CARMIL3: variants seen among roughly 807,000 people sequenced by gnomAD.
The protein encoded by CARMIL3 is capping protein, Arp2/3 and myosin-I linker protein 3.
A neutral mutation model predicts 180.8 loss-of-function variants in CARMIL3; 88 were observed. The ratio of observed to expected loss-of-function variants is 0.49; its 90% confidence interval spans 0.41 to 0.58. The LOEUF (loss-of-function observed/expected upper bound fraction) is 0.58. CARMIL3 is among the 20% of genes least tolerant of loss of function. CARMIL3 has a pLI of 0.00. For synonymous variants in CARMIL3, 696 were observed against 714.5 expected (o/e 0.97, Z 0.41); for missense variants, 1,548 against 1,787.0 (o/e 0.87, Z 2.41).
At position 24,055,126 on chromosome 14, in the gene CARMIL3, A is replaced by T; in HGVS notation, c.521A>T (p.Glu174Val). The T allele has an allele frequency of 6.2e-7, 1 of 1,613,934 alleles. No homozygotes were observed. The highest frequency in any genetic ancestry group is 8.5e-7 in the Non-Finnish European group (1 of 1,180,002). The change falls in exon 7 of 40, where the codon GAG becomes GTG. Residue 174 changes from glutamate to valine, a missense_variant. This residue lies in a region of CARMIL3 where 578 missense variants were observed against 666.5 expected (regional missense o/e 0.87). Coordinates refer to ENST00000342740, the MANE Select transcript of CARMIL3 (RefSeq NM_138360.4). Reference protein sequence around the residue: ...CDYNGLHCREEVQWDVDTIYH... With the variant: ...CDYNGLHCREVVQWDVDTIYH... ...TACAATGGGCTACACTGCCGTGAGG[A>T]GGTTCAATGGGTATGTTGGGCAGGG...
chr14:24,053,064 A>G (rs538310300), intron 1 of CARMIL3, among the ~76,000 whole-genome samples: 12 of 139,134 alleles, frequency 8.6e-5, no homozygotes, highest in South Asian at 4.4e-4. Flanking sequence ...ACGCGCGTGC[A>G]CACACACACA....
rs374199118 is a variant in CARMIL3, at chr14:24,066,556, C to A, written c.3593-11C>A. 15 of 1,613,986 alleles carry A rather than the reference C, an allele frequency of 9.3e-6. No individual in the cohort carries two copies. The highest frequency in any genetic ancestry group is 5.0e-5 in the Admixed American group (3 of 60,008). On this transcript the variant is annotated splice_polypyrimidine_tract_variant and intron_variant, in intron 35 of 39. Coordinates refer to ENST00000342740, the MANE Select transcript of CARMIL3 (RefSeq NM_138360.4). ...TTCTCCTCTCTTTCTCATCCCCTCT[C>A]TCTACTCCAGGGCCTGGATCCTGGA...
intron 12 of CARMIL3, 90 bp downstream of exon 12, chr14:24,056,798 C>G: frequency 6.6e-7 from 1 of 1,509,034 alleles, no homozygotes; most frequent in African/African-American, 1.4e-5. Flanking sequence ...CATTCACACA[C>G]CACCTCAGGG....
In CARMIL3 at chr14:24,052,021, C is replaced by G. The variant is rs1226964894; in HGVS notation, c.-133C>G. The G allele has an allele frequency of 2.5e-5, 21 of 851,888 alleles. No individual in the cohort carries two copies. Among genetic ancestry groups the G allele is most frequent in the Non-Finnish European group, 3.3e-6 (2 of 612,586 alleles). 52.8% of individuals were successfully genotyped at this position (851,888 alleles called of 1,614,324 possible). On this transcript the variant is annotated 5_prime_UTR_variant, in exon 1 of 40. Transcript: ENST00000342740. ...GGGAGGAGCGCTCAAGCAGCCGCCC[C>G]TGACCGGAGCGGGCTCGGCCGCTGC...
Position 24,064,956 on chromosome 14 carries a change from A to G in CARMIL3, c.3081-2A>G. On this transcript the variant is annotated splice_acceptor_variant, in intron 32 of 39. Transcript: ENST00000342740. LOFTEE classifies it high-confidence loss of function. ...TTGCTAACTTACCCCGATTCTCCCC[A>G]GCTACCCCCGGACTCTGAGGACCGT... 6.2e-7 allele frequency: 1 copy of G among 1,609,628 alleles called. No homozygotes were observed. The highest frequency in any genetic ancestry group is 8.5e-7 in the Non-Finnish European group (1 of 1,178,782).
chr14:24,053,631 C>A, intron 1 of CARMIL3, 78 bp from the exon 2 acceptor site: 1 of 1,056,694 alleles, frequency 9.5e-7, no homozygotes, highest in South Asian at 1.5e-5. Context: ...CCTGACCCTG[C>A]CTCTATCTGG....
At chr14:24,055,181 G>A (rs1326091564) in intron 7 of CARMIL3, 45 bp downstream of exon 7, 3 of 1,613,960 alleles carry the variant, frequency 1.9e-6, no homozygotes, top group Admixed American at 1.7e-5. Context: ...GGACCTGGAG[G>A]GAAGGGGCTA....
Position 24,059,937 on chromosome 14 carries a change from G to T in CARMIL3, c.1869-33G>T. 1 of 1,612,008 alleles carries T rather than the reference G, an allele frequency of 6.2e-7. No individual in the cohort carries two copies. Among genetic ancestry groups the T allele is most frequent in the Admixed American group, 1.7e-5 (1 of 60,024 alleles). ...AGGCAGGGGCCTCCCATCCTCACCTGTTCCCACCCAGCTGTGCCCCTGTGT... is the reference window on the plus strand; with the variant it reads ...AGGCAGGGGCCTCCCATCCTCACCTTTTCCCACCCAGCTGTGCCCCTGTGT... On this transcript the variant is annotated intron_variant, in intron 22 of 39. Coordinates refer to ENST00000342740, the MANE Select transcript of CARMIL3 (RefSeq NM_138360.4). This position sits in a 1 kb window ranked among gnomAD's most constrained non-coding sequence, Gnocchi z 6.3.
Position 24,055,300 on chromosome 14 carries a change from T to G in CARMIL3, c.595T>G (p.Leu199Val). 6.2e-7 allele frequency: 1 copy of G among 1,614,092 alleles called. No homozygotes were observed. The highest frequency in any genetic ancestry group is 8.5e-7 in the Non-Finnish European group (1 of 1,180,008). Reference sequence around the variant, plus strand: ...GTTCAATCTTTTGGATTTCAGCCACTTGGAGAGCCGGTAAGCAGATGGGGC... The same window carrying G: ...GTTCAATCTTTTGGATTTCAGCCACGTGGAGAGCCGGTAAGCAGATGGGGC... ...REFNLLDFSHLESRDLALMVA... is the reference protein window; with the variant it reads ...REFNLLDFSHVESRDLALMVA... The change falls in exon 8 of 40, where the codon TTG becomes GTG. Residue 199 changes from leucine to valine, a missense_variant. Physicochemically the swap from Leu to Val is conservative, Grantham distance 32 (BLOSUM62 1). Transcript: ENST00000342740.
In CARMIL3 at chr14:24,054,103, C is replaced by T. The variant is rs2035645971; in HGVS notation, c.151C>T (p.Arg51Cys). The change falls in exon 3 of 40, where the codon CGC becomes TGC. Residue 51 changes from arginine (R) to cysteine (C), a missense_variant. Coordinates refer to ENST00000342740, the MANE Select transcript of CARMIL3 (RefSeq NM_138360.4). This position sits in a 1 kb window ranked among gnomAD's most constrained non-coding sequence, Gnocchi z 5.1. ...CTCTCTGTAGGCCCTGACCTCCTGG[C>T]GCCTCCACCTCTTCCTCCTTAAAGT... ...EDRVLALTSW[R>C]LHLFLLKVPA... is the part of the protein sequence containing the mutation. The T allele has an allele frequency of 3.1e-6, 5 of 1,613,798 alleles. No homozygotes were observed. Among genetic ancestry groups the T allele is most frequent in the African/African-American group, 1.3e-5 (1 of 74,908 alleles).
rs2035694851 is a variant in CARMIL3 at position 24,058,195 on chromosome 14, G to A, written c.1363G>A (p.Asp455Asn). The A allele has an allele frequency of 1.2e-6, 2 of 1,613,794 alleles. No homozygotes were observed. The highest frequency in any genetic ancestry group is 1.7e-5 in the Admixed American group (1 of 60,008). Residue 455 changes from aspartate (D) to asparagine (N), a missense_variant, in exon 17 of 40, where the codon GAC becomes AAC. This residue lies in a region of CARMIL3 where 578 missense variants were observed against 666.5 expected (regional missense o/e 0.87). Coordinates refer to ENST00000342740, the MANE Select transcript of CARMIL3 (RefSeq NM_138360.4). The surrounding 1 kb of genome is among the most constrained non-coding windows in gnomAD (Gnocchi z 6.4). The stretch of plus-strand genomic sequence containing the variant: ...CCTCTCCCTCAACAGTCACCTCAGT[G>A]ACCTGCACCTGGATCTCAGCAGCTG... The part of the protein sequence containing the change: ...QGLSLNSHLS[D>N]LHLDLSSCEL...
chr14:24,067,670 A>G (rs183333151), intron 36 of CARMIL3, among the ~76,000 whole-genome samples: 1 of 152,364 alleles, frequency 6.6e-6, no homozygotes, highest in Admixed American at 6.5e-5. Context: ...TTTCCATCCC[A>G]TACACAGGCT....
In CARMIL3 at chr14:24,062,823, G is replaced by C. The variant is rs559422795; in HGVS notation, c.2683G>C (p.Asp895His). The change falls in exon 29 of 40, where the codon GAT (aspartate) becomes CAT (histidine). Residue 895 changes from aspartate to histidine, a missense_variant. By Grantham distance (81) the Asp-to-His change is moderately conservative. Around this residue, in one of 4 missense-constraint regions of CARMIL3, gnomAD observed 668 missense variants for 687.8 expected, o/e 0.97. Transcript: ENST00000342740. ...GAACCATGACCATGAGGAGACCACA[G>C]ATGATGAACTTGGGACCAACATTGT... ...GRNHDHEETT[D>H]DELGTNIDTM... The C allele has an allele frequency of 6.2e-7, 1 of 1,611,448 alleles. No homozygotes were observed. Among genetic ancestry groups the C allele is most frequent in the Non-Finnish European group, 8.5e-7 (1 of 1,178,886 alleles).
At chr14:24,060,579 A>T (rs2035722467) in intron 24 of CARMIL3, 49 bp from the exon 25 acceptor site, 1 of 1,604,164 alleles carries the variant, frequency 6.2e-7, no homozygotes. Flanking sequence ...CCTACCTGCG[A>T]AGATGTGGAA....
chr14:24,062,333 G>A lies in CARMIL3; in HGVS notation c.2481-147G>A, dbSNP rs1478530933. ...AGAAATGAGTGTCAAGGGCTAGGCT[G>A]CCTCCTTCAGCAGCCACATGCGCTC... On this transcript the variant is annotated intron_variant, in intron 27 of 39. Coordinates refer to ENST00000342740, the MANE Select transcript of CARMIL3 (RefSeq NM_138360.4). The A allele has an allele frequency of 5.3e-6, 4 of 757,122 alleles. No homozygotes were observed. The African/African-American group carries it at 6.9e-5, about 13-fold the overall frequency. The allele number at this position is 757,122 out of a possible 1,614,324, so 46.9% of individuals were successfully genotyped here.
chr14:24,052,315 C>A, intron 1 of CARMIL3, 122 bp downstream of exon 1: 2 of 964,924 alleles, frequency 2.1e-6, no homozygotes, highest in Non-Finnish European at 2.9e-6. Flanking sequence ...ATCCTGGCTC[C>A]AAGGCAGCCC....
Position 24,057,898 on chromosome 14 carries a change from G to C in CARMIL3, c.1217+19G>C. On this transcript the variant is annotated intron_variant, in intron 15 of 39. Coordinates refer to ENST00000342740, the MANE Select transcript of CARMIL3 (RefSeq NM_138360.4). ...CCCACAGGTGGGAGAGGAGGGGGAA[G>C]GGAGGACAGGGCAAGACATGGCCAA... The C allele has an allele frequency of 1.2e-6, 2 of 1,613,074 alleles. No homozygotes were observed. Among genetic ancestry groups the C allele is most frequent in the Non-Finnish European group, 1.7e-6 (2 of 1,179,964 alleles).
At position 24,059,603 on chromosome 14, in the gene CARMIL3, C is replaced by T; in HGVS notation, c.1800-61C>T. 2.5e-6 allele frequency: 4 copies of T among 1,593,070 alleles called. No individual in the cohort carries two copies. Among genetic ancestry groups the T allele is most frequent in the East Asian group, 4.5e-5 (2 of 44,446 alleles). On this transcript the variant is annotated intron_variant, in intron 21 of 39. Coordinates refer to ENST00000342740, the MANE Select transcript of CARMIL3 (RefSeq NM_138360.4). The surrounding 1 kb of genome is among the most constrained non-coding windows in gnomAD (Gnocchi z 6.3). Reference sequence around the variant, plus strand: ...CTTATTGCCCCAAGAGGTTTGTGTCCCTGGCCCCTAGTAGGGACCCAGGAG... The same window carrying T: ...CTTATTGCCCCAAGAGGTTTGTGTCTCTGGCCCCTAGTAGGGACCCAGGAG...
chr14:24,064,093 C>CA (rs564964326), intron 31 of CARMIL3, among the ~76,000 whole-genome samples, 153 bp from the exon 32 acceptor site: 1,161 of 63,872 alleles, frequency 0.018, 22 homozygotes, highest in African/African-American at 0.06. Flanking sequence ...GACTCCGTCT[C>CA]AAAAAAAAAA....
Sources: allele counts gnomAD v4.1 joint callset (sites outside exome capture counted in the v4.1 genomes callset), GRCh38; gene constraint gnomAD v4.1.1; regional missense constraint gnomAD v4.1.1; non-coding constraint Gnocchi (gnomAD v3.1); transcripts MANE v1.5; gene names NCBI Gene and HGNC (gene_info 2026-07-23, HGNC 2026-07-21).